Variants in ROBO2 observed in about 807,000 individuals in gnomAD.
The protein encoded by ROBO2 is roundabout homolog 2.
Under a neutral mutation model 160.8 loss-of-function variants are expected in ROBO2, and 53 were observed. That is an observed-to-expected ratio of 0.33 (90% CI 0.26 to 0.41). ROBO2 has a LOEUF of 0.41. ROBO2 is among the 10% of genes least tolerant of loss of function. The pLI is 1.00. For missense variants in ROBO2, 1,577 were observed against 1,722.4 expected (o/e 0.92, Z 1.49); for synonymous variants, 664 against 611.7 (o/e 1.09, Z -1.26).
At chr3:77,204,594 A>G (rs1407101803) in intron 2 of ROBO2, among the ~76,000 whole-genome samples, 1 of 152,150 alleles carries the variant, frequency 6.6e-6, no homozygotes, top group East Asian at 1.9e-4. Context: ...GCCTCCCTTC[A>G]TTTCTAATAA....
intron 2 of ROBO2, among the ~76,000 whole-genome samples, chr3:77,295,611 T>G (rs181402327): frequency 7.3e-5 from 6 of 82,124 alleles, no homozygotes; most frequent in Admixed American, 4.7e-4. Context: ...ACCCCACACA[T>G]AAAGTAAAAT....
At chr3:76,888,052 C>G (rs772363590) in intron 2 of ROBO2, among the ~76,000 whole-genome samples, 1 of 152,134 alleles carries the variant, frequency 6.6e-6, no homozygotes, top group Non-Finnish European at 1.5e-5. Context: ...AGGATCCAAA[C>G]AGAAACATTT....
intron 2 of ROBO2, among the ~76,000 whole-genome samples, chr3:76,617,966 A>C (rs1302144936): frequency 6.6e-6 from 1 of 151,614 alleles, no homozygotes; most frequent in Non-Finnish European, 1.5e-5. Flanking sequence ...TATGGGAACT[A>C]CAATTCAAGA....
intron 2 of ROBO2, among the ~76,000 whole-genome samples, chr3:76,821,286 A>G (rs1371073566): frequency 6.6e-6 from 1 of 151,984 alleles, no homozygotes; most frequent in Admixed American, 6.6e-5. Context: ...GCCTTTTATC[A>G]TTTCATCAAG....
At chr3:76,808,747 C>T (rs984777150) in intron 2 of ROBO2, among the ~76,000 whole-genome samples, 4 of 151,916 alleles carry the variant, frequency 2.6e-5, no homozygotes, top group South Asian at 2.1e-4. Flanking sequence ...TGATGAGAGA[C>T]GTGTCTATTT....
At chr3:76,432,818 T>C (rs934528758) in intron 2 of ROBO2, among the ~76,000 whole-genome samples, 1 of 151,710 alleles carries the variant, frequency 6.6e-6, no homozygotes, top group Non-Finnish European at 1.5e-5. Flanking sequence ...GGGGCTATCT[T>C]TGAGGCTATT....
chr3:76,629,825 G>T (rs1243040060), intron 2 of ROBO2, among the ~76,000 whole-genome samples: 1 of 152,160 alleles, frequency 6.6e-6, no homozygotes, highest in Non-Finnish European at 1.5e-5. Context: ...TATAATCTAA[G>T]TGAAAACAGC....
intron 2 of ROBO2, among the ~76,000 whole-genome samples, chr3:76,181,047 C>T (rs1701477479): frequency 6.6e-6 from 1 of 152,098 alleles, no homozygotes; most frequent in African/African-American, 2.4e-5. Context: ...AACTTCACTT[C>T]CTTAAGGGCT....
chr3:77,383,852 A>T (rs1376688988), intron 2 of ROBO2, among the ~76,000 whole-genome samples: 1 of 152,082 alleles, frequency 6.6e-6, no homozygotes, highest in Non-Finnish European at 1.5e-5. Context: ...GAGGTTTATC[A>T]CTTTAGTTTT....
At chr3:76,576,339 G>A (rs940911912) in intron 2 of ROBO2, among the ~76,000 whole-genome samples, 1 of 152,084 alleles carries the variant, frequency 6.6e-6, no homozygotes. Context: ...TTATTAAGGT[G>A]CCTCTTCACA....
At chr3:77,266,420 T>C (rs1210058718) in intron 2 of ROBO2, among the ~76,000 whole-genome samples, 1 of 152,098 alleles carries the variant, frequency 6.6e-6, no homozygotes, top group Admixed American at 6.6e-5. Flanking sequence ...ACTGCTTCTC[T>C]CTATTTGTGC....
intron 2 of ROBO2, among the ~76,000 whole-genome samples, chr3:76,349,547 A>T (rs1427106759): frequency 1.3e-5 from 2 of 152,108 alleles, no homozygotes; most frequent in Admixed American, 1.3e-4. Flanking sequence ...TGATTTCAGA[A>T]GTGTGAGCTT....
intron 2 of ROBO2, among the ~76,000 whole-genome samples, chr3:75,971,772 A>G (rs956991090): frequency 2.6e-5 from 4 of 151,484 alleles, no homozygotes; most frequent in Non-Finnish European, 5.9e-5. Context: ...TTTTTCTTGT[A>G]ACATTTTAGA....
intron 2 of ROBO2, among the ~76,000 whole-genome samples, chr3:76,264,788 T>A (rs1371785881): frequency 1.3e-5 from 2 of 152,148 alleles, no homozygotes; most frequent in Non-Finnish European, 2.9e-5. Context: ...CCCATACTAC[T>A]CTTCTCAGGG....
intron 2 of ROBO2, among the ~76,000 whole-genome samples, chr3:76,942,142 A>G (rs2078229424): frequency 6.6e-6 from 1 of 152,208 alleles, no homozygotes; most frequent in African/African-American, 2.4e-5. Flanking sequence ...TAGAAAATGT[A>G]TAGTTACTTA....
At chr3:76,803,630 T>A (rs2108886741) in intron 2 of ROBO2, among the ~76,000 whole-genome samples, 1 of 152,284 alleles carries the variant, frequency 6.6e-6, no homozygotes, top group Non-Finnish European at 1.5e-5. Context: ...AACTATTTTA[T>A]CAATTTTATT....
intron 2 of ROBO2, among the ~76,000 whole-genome samples, chr3:76,625,967 C>T (rs184193852): frequency 7.6e-4 from 115 of 152,182 alleles, no homozygotes; most frequent in African/African-American, 2.7e-3. Context: ...TGACATGATC[C>T]AGGTGAAAGT....
rs533148680 is a variant in ROBO2 at position 76,968,382 on chromosome 3, G to T, written c.110-129632G>T. Among the ~76,000 whole-genome samples the T allele has an allele frequency of 1.1e-4, 16 of 152,168 alleles. No homozygotes were observed. The South Asian group carries it at 3.3e-3, about 32-fold the overall frequency. ...CAACATGTAGTTAGTATATGTAACA[G>T]ATATTAAAATTGTGTGGAGCTCTCA... On this transcript the variant is annotated intron_variant, in intron 2 of 26. Transcript: ENST00000487694.
intron 2 of ROBO2, among the ~76,000 whole-genome samples, chr3:76,054,331 A>G (rs1299505730): frequency 2.0e-5 from 3 of 152,142 alleles, no homozygotes; most frequent in Non-Finnish European, 4.4e-5. Context: ...CCCTACCTCC[A>G]ATAATTGGAA....
Sources: allele counts gnomAD v4.1 joint callset (sites outside exome capture counted in the v4.1 genomes callset), GRCh38; gene constraint gnomAD v4.1.1; transcripts MANE v1.5; gene names NCBI Gene and HGNC (gene_info 2026-07-23, HGNC 2026-07-21).